CDH18: variants seen among roughly 807,000 people sequenced by gnomAD.
The protein encoded by CDH18 is cadherin-18.
CDH18 carries 31 observed loss-of-function variants against 67.9 expected under a neutral mutation model. That is an observed-to-expected ratio of 0.46 (90% confidence interval 0.34 to 0.62). The LOEUF (loss-of-function observed/expected upper bound fraction) is 0.62. Ranked by LOEUF, CDH18 falls within the 20% of genes least tolerant of loss-of-function variation. The pLI is 0.01. For missense variants in CDH18, 890 were observed against 975.5 expected (o/e 0.91, Z 1.17); for synonymous variants, 362 against 347.2 (o/e 1.04, Z -0.48).
chr5:19,841,133 G>A (rs1680840699), intron 2 of CDH18, among the ~76,000 whole-genome samples: 1 of 152,150 alleles, frequency 6.6e-6, no homozygotes, highest in Non-Finnish European at 1.5e-5. Context: ...GTTAGTAATA[G>A]TGCTTACTTC....
chr5:19,839,185 C>G lies in CDH18; in HGVS notation c.-199G>C. The G allele has an allele frequency of 1.9e-6, 1 of 540,012 alleles. No homozygotes were observed. Among genetic ancestry groups the G allele is most frequent in the Non-Finnish European group, 3.3e-6 (1 of 302,358 alleles). The allele number at this position is 540,012 out of a possible 1,614,324, so 33.5% of individuals were successfully genotyped here. On this transcript the variant is annotated 5_prime_UTR_variant, in exon 3 of 13. Coordinates refer to ENST00000382275, the MANE Select transcript of CDH18 (RefSeq NM_004934.5). ...TTCTGAACCACTTGGAAAATCAAAG[C>G]CGTAGTTGTCTGATTCCAACTCTTC...
intron 5 of CDH18, among the ~76,000 whole-genome samples, chr5:19,683,760 T>G (rs1016287294): frequency 6.6e-6 from 1 of 152,164 alleles, no homozygotes; most frequent in Non-Finnish European, 1.5e-5. Flanking sequence ...CTGTAAGAGC[T>G]TTCCAATACA....
chr5:20,021,447 A>G (rs1395880220), intron 2 of CDH18, among the ~76,000 whole-genome samples: 2 of 152,148 alleles, frequency 1.3e-5, no homozygotes, highest in Non-Finnish European at 2.9e-5. Context: ...AAATTGGACT[A>G]TAATCCCCAA....
At chr5:19,777,074 G>A (rs779395755) in intron 3 of CDH18, among the ~76,000 whole-genome samples, 1 of 152,144 alleles carries the variant, frequency 6.6e-6, no homozygotes, top group Non-Finnish European at 1.5e-5. Context: ...GAGGTCAGGA[G>A]TTCAAGACCA....
At chr5:19,626,432 C>G (rs1180705390) in intron 5 of CDH18, among the ~76,000 whole-genome samples, 2 of 152,058 alleles carry the variant, frequency 1.3e-5, no homozygotes, top group Non-Finnish European at 2.9e-5. Flanking sequence ...TAGAGGTTAA[C>G]CAAGTGTGAG....
rs1351361955 is a variant in CDH18, at chr5:20,095,444, A to AAAGAAAGG, written c.-517-103431_-517-103430insCCTTTCTT. The stretch of plus-strand genomic sequence containing the variant: ...GAAAGAAAGAAAGAAAGAAAGAAAG[A>AAAGAAAGG]AAAGAAAGAAAGAAAGAAGAAAGAA... On this transcript the variant is annotated intron_variant, in intron 2 of 14. Coordinates refer to the CDH18 transcript ENST00000507958. Among the ~76,000 whole-genome samples the AAAGAAAGG allele has an allele frequency of 1.1e-3, 92 of 81,910 alleles. 1 individual carries two copies. Among genetic ancestry groups the AAAGAAAGG allele is most frequent in the African/African-American group, 3.9e-3 (85 of 21,740 alleles). 53.7% of individuals were successfully genotyped at this position (81,910 alleles called of 152,430 possible). A position where few individuals can be genotyped will look rare whatever the true frequency, so the allele number is the denominator to read the frequency against.
chr5:20,296,558 G>A (rs1366458291), intron 1 of CDH18, among the ~76,000 whole-genome samples: 2 of 152,042 alleles, frequency 1.3e-5, no homozygotes, highest in Non-Finnish European at 2.9e-5. Context: ...ACCGCCCCCG[G>A]CCCACTAAGT....
intron 2 of CDH18, among the ~76,000 whole-genome samples, chr5:20,026,389 T>C (rs1487598551): frequency 2.0e-5 from 3 of 152,214 alleles, no homozygotes; most frequent in African/African-American, 7.2e-5. Flanking sequence ...TCTGTGAGGT[T>C]TGCAATTAAT....
intron 1 of CDH18, among the ~76,000 whole-genome samples, chr5:20,558,593 G>A (rs186288362): frequency 4.6e-5 from 7 of 152,166 alleles, no homozygotes; most frequent in Non-Finnish European, 8.8e-5. Context: ...GATTATTGAT[G>A]TTTAGTTTGT....
rs1413566638 is a variant in CDH18 at position 19,887,922 on chromosome 5, G to T, written c.-256-48680C>A. Among the ~76,000 whole-genome samples, 6 of 151,868 alleles carry T rather than the reference G, an allele frequency of 4.0e-5. No homozygotes were observed. In the South Asian group the frequency reaches 1.2e-3, roughly 31 times the overall value. Reference sequence around the variant, plus strand: ...ACAAAGGTCATGGTTCAATTTTTTTGAATTGAATATTCAGTTGATTCAGAA... The same window carrying T: ...ACAAAGGTCATGGTTCAATTTTTTTTAATTGAATATTCAGTTGATTCAGAA... On this transcript the variant is annotated intron_variant, in intron 2 of 12. Transcript: ENST00000382275.
chr5:20,138,962 C>A (rs988491872), intron 2 of CDH18, among the ~76,000 whole-genome samples: 12 of 152,070 alleles, frequency 7.9e-5, no homozygotes, highest in South Asian at 2.1e-4. Flanking sequence ...TGGAAAAAAA[C>A]CACTTTAAAG....
chr5:20,045,401 G>A (rs1360192535), intron 2 of CDH18, among the ~76,000 whole-genome samples: 1 of 152,042 alleles, frequency 6.6e-6, no homozygotes, highest in East Asian at 1.9e-4. Flanking sequence ...GAACGCAACA[G>A]TGAACAATTC....
intron 2 of CDH18, among the ~76,000 whole-genome samples, chr5:20,007,294 G>A (rs1302432052): frequency 1.3e-5 from 2 of 151,666 alleles, no homozygotes; most frequent in Non-Finnish European, 2.9e-5. Context: ...GACTCAACTG[G>A]CTAACCATCT....
intron 5 of CDH18, among the ~76,000 whole-genome samples, chr5:19,647,324 C>T (rs1754901416): frequency 6.6e-6 from 1 of 150,962 alleles, no homozygotes. Context: ...AGATTGAGAC[C>T]ATCCTGGCCA....
At chr5:20,273,060 T>C (rs1353549215) in intron 1 of CDH18, among the ~76,000 whole-genome samples, 1 of 152,094 alleles carries the variant, frequency 6.6e-6, no homozygotes. Context: ...AAAGTACATT[T>C]ATTTAGGAAA....
At chr5:20,200,845 A>T (rs942230392) in intron 2 of CDH18, among the ~76,000 whole-genome samples, 1 of 152,140 alleles carries the variant, frequency 6.6e-6, no homozygotes, top group South Asian at 2.1e-4. Context: ...GATGCAGGTA[A>T]TTCTTATTTG....
At chr5:19,665,180 ATAC>A (rs765409560) in intron 5 of CDH18, among the ~76,000 whole-genome samples, 1 of 152,056 alleles carries the variant, frequency 6.6e-6, no homozygotes, top group Non-Finnish European at 1.5e-5. Flanking sequence ...GAAGTGTGAA[ATAC>A]TACATTATAA....
intron 1 of CDH18, chr5:20,305,454 CG>C: frequency 6.8e-7 from 1 of 1,477,670 alleles, no homozygotes; most frequent in Non-Finnish European, 9.4e-7. Flanking sequence ...GCCATGTTTT[CG>C]AACCTCCTCA....
chr5:19,629,268 G>T (rs1476724317), intron 5 of CDH18, among the ~76,000 whole-genome samples: 2 of 152,102 alleles, frequency 1.3e-5, no homozygotes, highest in African/African-American at 4.8e-5. Flanking sequence ...AGAAGTATCA[G>T]GTAAAGATCA....
Sources: allele counts gnomAD v4.1 joint callset (sites outside exome capture counted in the v4.1 genomes callset), GRCh38; gene constraint gnomAD v4.1.1; transcripts MANE v1.5; gene names NCBI Gene and HGNC (gene_info 2026-07-23, HGNC 2026-07-21).